Variants in ADCY2 observed in about 807,000 individuals in gnomAD.
The protein encoded by ADCY2 is adenylate cyclase type 2.
A neutral mutation model predicts 125.2 loss-of-function variants in ADCY2; 31 were observed. The ratio of observed to expected loss-of-function variants is 0.25; its 90% confidence interval spans 0.19 to 0.33. The LOEUF (loss-of-function observed/expected upper bound fraction) is 0.33. Among genes scored for constraint, ADCY2 ranks in the 10% least tolerant of loss-of-function variants. ADCY2 has a pLI of 1.00. For synonymous variants in ADCY2, 512 were observed against 548.4 expected (o/e 0.93, Z 0.93); for missense variants, 904 against 1,418.2 (o/e 0.64, Z 5.82).
intron 2 of ADCY2, among the ~76,000 whole-genome samples, chr5:7,474,636 C>T (rs971242511): frequency 5.9e-5 from 9 of 152,160 alleles, no homozygotes; most frequent in African/African-American, 1.9e-4. Flanking sequence ...GCCACTGAGC[C>T]GGGCAGAGAG....
intron 16 of ADCY2, among the ~76,000 whole-genome samples, chr5:7,762,051 C>T (rs990836096): frequency 2.6e-5 from 4 of 152,194 alleles, no homozygotes; most frequent in African/African-American, 9.6e-5. Context: ...ACCAAGCTGC[C>T]TTCTGTAGCA....
At chr5:7,717,102 T>A (rs968844595) in intron 11 of ADCY2, 55 bp from the exon 12 acceptor site, 2 of 1,243,024 alleles carry the variant, frequency 1.6e-6, no homozygotes, top group African/African-American at 1.5e-5. Flanking sequence ...AAAATTGGCT[T>A]AATATTTATT....
In ADCY2 at chr5:7,520,854, C is replaced by A. The variant is rs752126896; in HGVS notation, c.525C>A (p.Val175=). 1 of 1,614,212 alleles carries A rather than the reference C, an allele frequency of 6.2e-7. No individual in the cohort carries two copies. The highest frequency in any genetic ancestry group is 1.3e-5 in the African/African-American group (1 of 75,050). The change falls in exon 3 of 25, where the codon GTC becomes GTA. Residue 175 remains valine (V), a synonymous_variant. Coordinates refer to ENST00000338316, the MANE Select transcript of ADCY2 (RefSeq NM_020546.3). ...TSSSHTIVLS[V]CLSATPGGKE... ...CCTCCCACACCATCGTGCTTAGCGT[C>A]TGCCTGTCTGCAACACCGGGAGGCA... is the stretch of plus-strand genomic sequence containing the variant.
intron 2 of ADCY2, among the ~76,000 whole-genome samples, chr5:7,510,501 G>A (rs72709177): frequency 0.16 from 24,444 of 152,136 alleles, 2,112 homozygotes; most frequent in African/African-American, 0.2. Context: ...TTTAGGGTGG[G>A]GTCCAAGAGA....
Position 7,565,573 on chromosome 5 carries a change from C to G in ADCY2, c.570+44674C>G, listed in dbSNP as rs143894225. ...TGTGGCAATCCCAAAGTTCAAAAAA[C>G]AAAGTCATGCTCACACAATTGTAGT... On this transcript the variant is annotated intron_variant, in intron 3 of 24. Transcript: ENST00000338316. 1.3e-3 allele frequency among the ~76,000 whole-genome samples: 203 copies of G among 152,286 alleles called. 2 individuals carry two copies. The highest frequency in any genetic ancestry group is 4.6e-3 in the African/African-American group (191 of 41,560).
At chr5:7,567,079 G>C (rs559994141) in intron 3 of ADCY2, among the ~76,000 whole-genome samples, 1 of 152,260 alleles carries the variant, frequency 6.6e-6, no homozygotes, top group East Asian at 1.9e-4. Context: ...TTTTCTTAGA[G>C]ACAATCATGA....
rs186107350 is a variant in ADCY2, at chr5:7,534,209, G to C, written c.570+13310G>C. 1.1e-3 allele frequency among the ~76,000 whole-genome samples: 165 copies of C among 152,290 alleles called. 2 individuals carry two copies. The highest frequency in any genetic ancestry group is 1.8e-4 in the Non-Finnish European group (12 of 68,032). On this transcript the variant is annotated intron_variant, in intron 3 of 24. Transcript: ENST00000338316. The stretch of plus-strand genomic sequence containing the variant: ...CTTCTAATCTGTGTTCTCTTCTAGT[G>C]TCTTTTCTTGGCTTCTACTCCTGGG...
chr5:7,399,887 T>C (rs926263281), intron 1 of ADCY2, among the ~76,000 whole-genome samples: 1 of 152,248 alleles, frequency 6.6e-6, no homozygotes, highest in African/African-American at 2.4e-5. Context: ...AATGAAATTT[T>C]AAGTCATAAA....
intron 4 of ADCY2, among the ~76,000 whole-genome samples, chr5:7,649,878 T>A (rs1471405058): frequency 1.3e-5 from 2 of 152,114 alleles, no homozygotes; most frequent in Admixed American, 1.3e-4. Flanking sequence ...ATTTACCCAC[T>A]TTCCCAGGCC....
intron 2 of ADCY2, among the ~76,000 whole-genome samples, chr5:7,485,745 A>C (rs867675202): frequency 1.3e-5 from 2 of 152,192 alleles, no homozygotes; most frequent in Non-Finnish European, 2.9e-5. Flanking sequence ...ACTATGACAC[A>C]TTAGCATAAA....
chr5:7,716,111 A>G (rs892732650), intron 11 of ADCY2, among the ~76,000 whole-genome samples: 1 of 152,200 alleles, frequency 6.6e-6, no homozygotes, highest in Non-Finnish European at 1.5e-5. Flanking sequence ...GAGAGCTCTT[A>G]CTATTTGGCA....
chr5:7,651,835 G>A (rs115654124), intron 4 of ADCY2, among the ~76,000 whole-genome samples: 1,674 of 151,774 alleles, frequency 0.011, 34 homozygotes, highest in African/African-American at 0.038. Context: ...ATGGAGTCTC[G>A]CTCTGTCACA....
chr5:7,405,380 C>G (rs764899584), intron 1 of ADCY2, among the ~76,000 whole-genome samples: 1 of 149,936 alleles, frequency 6.7e-6, no homozygotes, highest in Non-Finnish European at 1.5e-5. Context: ...CAGTTGATCT[C>G]TGCTGGTCTG....
chr5:7,763,410 A>G (rs1379033872), intron 16 of ADCY2, among the ~76,000 whole-genome samples: 1 of 152,170 alleles, frequency 6.6e-6, no homozygotes, highest in Non-Finnish European at 1.5e-5. Context: ...TTTTTTAATT[A>G]TGTAAAATAT....
At chr5:7,404,739 T>C (rs963123679) in intron 1 of ADCY2, among the ~76,000 whole-genome samples, 28 of 152,216 alleles carry the variant, frequency 1.8e-4, no homozygotes, top group Non-Finnish European at 1.3e-4. Flanking sequence ...TCATTTATTT[T>C]CCTCCTGAAC....
At chr5:7,513,078 G>GACACACAC (rs142515106) in intron 2 of ADCY2, among the ~76,000 whole-genome samples, 12,042 of 123,588 alleles carry the variant, frequency 0.097, 617 homozygotes, top group Non-Finnish European at 0.11. Flanking sequence ...GAAAATACAT[G>GACACACAC]ACACACACAC....
chr5:7,473,387 G>A (rs998508471), intron 2 of ADCY2, among the ~76,000 whole-genome samples: 1 of 152,006 alleles, frequency 6.6e-6, no homozygotes, highest in African/African-American at 2.4e-5. Context: ...GAGGTGCCAG[G>A]CTCTTTTGAA....
At chr5:7,527,550 A>G (rs1579538776) in intron 3 of ADCY2, among the ~76,000 whole-genome samples, 1 of 152,340 alleles carries the variant, frequency 6.6e-6, no homozygotes, top group East Asian at 1.9e-4. Context: ...ATATAGATTT[A>G]CTTAAGCAAG....
At chr5:7,712,294 AATTCT>A (rs1295317821) in intron 10 of ADCY2, among the ~76,000 whole-genome samples, 78 of 152,306 alleles carry the variant, frequency 5.1e-4, no homozygotes, top group African/African-American at 1.8e-3. Context: ...TCCACTTATA[AATTCT>A]GTCTCTCTTC....
Sources: allele counts gnomAD v4.1 joint callset (sites outside exome capture counted in the v4.1 genomes callset), GRCh38; gene constraint gnomAD v4.1.1; transcripts MANE v1.5; gene names NCBI Gene and HGNC (gene_info 2026-07-23, HGNC 2026-07-21).